Variants in LGSN observed in about 807,000 individuals in gnomAD.
LGSN encodes the protein lengsin.
LGSN carries 21 observed loss-of-function variants against 19.5 expected under a neutral mutation model. That is an observed-to-expected ratio of 1.07 (90% CI 0.76 to 1.55). The LOEUF is 1.55. LGSN is among the 40% of genes most tolerant of loss of function. The pLI is 0.00. For missense variants in LGSN, 673 were observed against 608.5 expected (o/e 1.11, Z -1.12); for synonymous variants, 257 against 215.6 (o/e 1.19, Z -1.68).
the LGSN span, among the ~76,000 whole-genome samples, chr6:63,379,997 C>G: frequency 1.2e-4 from 19 of 152,026 alleles, no homozygotes; most frequent in African/African-American, 4.6e-4. Context: ...GCCACTACAC[C>G]CAGCTAATTT....
At chr6:63,283,981 T>C (rs1164577223) in intron 3 of LGSN, among the ~76,000 whole-genome samples, 1 of 152,236 alleles carries the variant, frequency 6.6e-6, no homozygotes, top group Non-Finnish European at 1.5e-5. Context: ...ATTACAGGCA[T>C]GAGCCACTGT....
chr6:63,517,666 A>C, the LGSN span, among the ~76,000 whole-genome samples: 1 of 152,112 alleles, frequency 6.6e-6, no homozygotes, highest in Non-Finnish European at 1.5e-5. Flanking sequence ...ACACACACAT[A>C]TATATGACTT....
At chr6:63,406,006 G>A in the LGSN span, among the ~76,000 whole-genome samples, 2 of 152,100 alleles carry the variant, frequency 1.3e-5, no homozygotes, top group South Asian at 4.1e-4. Context: ...AGCCAACACA[G>A]GAGCACCCAG....
the LGSN span, among the ~76,000 whole-genome samples, chr6:63,373,051 C>T: frequency 2.0e-5 from 3 of 152,140 alleles, no homozygotes; most frequent in African/African-American, 4.8e-5. Context: ...CACAGCATTT[C>T]ATAAAATAAT....
the LGSN span, among the ~76,000 whole-genome samples, chr6:63,456,131 G>A: frequency 6.6e-6 from 1 of 151,726 alleles, no homozygotes; most frequent in East Asian, 1.9e-4. Flanking sequence ...CTGGGAGGCT[G>A]AGGCAGGAGA....
At chr6:63,437,164 G>C in the LGSN span, among the ~76,000 whole-genome samples, 1 of 142,172 alleles carries the variant, frequency 7.0e-6, no homozygotes, top group Non-Finnish European at 1.6e-5. Context: ...AGAAGGGAGG[G>C]AGGGAGGGAA....
chr6:63,280,972 G>T lies in LGSN; in HGVS notation c.579C>A (p.Ser193Arg). The T allele has an allele frequency of 6.2e-7, 1 of 1,614,138 alleles. No individual in the cohort carries two copies. Among genetic ancestry groups the T allele is most frequent in the Non-Finnish European group, 8.5e-7 (1 of 1,180,026 alleles). ...GGGAAAAGCCAGAGGCCTGCAGATGGCTCAGCTGCCTCTTTGCAATGTACC... is the reference window on the plus strand; with the variant it reads ...GGGAAAAGCCAGAGGCCTGCAGATGTCTCAGCTGCCTCTTTGCAATGTACC... Reference protein sequence around the residue: ...SPRYIAKRQLSHLQASGFSLL... With the variant: ...SPRYIAKRQLRHLQASGFSLL... The change falls in exon 4 of 4, where the codon AGC becomes AGA. Residue 193 changes from serine to arginine, a missense_variant. Transcript: ENST00000370657.
At chr6:63,511,066 T>C in the LGSN span, among the ~76,000 whole-genome samples, 1 of 152,106 alleles carries the variant, frequency 6.6e-6, no homozygotes, top group Non-Finnish European at 1.5e-5. Context: ...AATGGTGCTA[T>C]GCTCATGGCA....
At chr6:63,533,138 T>G in the LGSN span, among the ~76,000 whole-genome samples, 2 of 152,168 alleles carry the variant, frequency 1.3e-5, no homozygotes, top group Non-Finnish European at 2.9e-5. Flanking sequence ...TCCCAGCACT[T>G]TGGGAGGCTG....
chr6:63,387,862 T>G, the LGSN span, among the ~76,000 whole-genome samples: 259 of 152,012 alleles, frequency 1.7e-3, no homozygotes, highest in Non-Finnish European at 2.9e-3. Flanking sequence ...GCTATTTATT[T>G]ATTGATTGAT....
the LGSN span, chr6:63,548,884 A>T: frequency 3.7e-6 from 3 of 810,452 alleles, no homozygotes; most frequent in Non-Finnish European, 6.5e-6. Flanking sequence ...TTGTCTTCTG[A>T]GTTAACCTGT....
the LGSN span, among the ~76,000 whole-genome samples, chr6:63,536,852 T>A: frequency 1.3e-3 from 200 of 152,210 alleles, 1 homozygote; most frequent in Non-Finnish European, 1.9e-3. Context: ...AGCAGCATAG[T>A]CTTTTTGTAA....
At chr6:63,534,452 AACAC>A in the LGSN span, among the ~76,000 whole-genome samples, 774 of 144,480 alleles carry the variant, frequency 5.4e-3, 6 homozygotes, top group South Asian at 0.037. Flanking sequence ...CACACAGAGA[AACAC>A]ACACACACAC....
At chr6:63,465,001 G>A in the LGSN span, among the ~76,000 whole-genome samples, 3 of 149,402 alleles carry the variant, frequency 2.0e-5, no homozygotes, top group South Asian at 2.1e-4. Flanking sequence ...ACTATAGCCT[G>A]GGTGACAAGA....
chr6:63,447,789 C>T, the LGSN span, among the ~76,000 whole-genome samples: 1 of 152,076 alleles, frequency 6.6e-6, no homozygotes, highest in Non-Finnish European at 1.5e-5. Flanking sequence ...AACCTTTGGG[C>T]AGTCTTCATG....
At chr6:63,467,180 T>C in the LGSN span, among the ~76,000 whole-genome samples, 1 of 152,146 alleles carries the variant, frequency 6.6e-6, no homozygotes, top group Non-Finnish European at 1.5e-5. Context: ...AGGAATTCAT[T>C]TGAATTGTTC....
chr6:63,277,625 G>A lies in LGSN; in HGVS notation c.*2396C>T, dbSNP rs370775588. On this transcript the variant is annotated 3_prime_UTR_variant, in exon 4 of 4. Coordinates refer to ENST00000370657, the MANE Select transcript of LGSN (RefSeq NM_016571.3). ...CATCTGGATGTAGGCAAGTCAAACT[G>A]CTCTACAAAGCAGAGATTCCACCTT... is the stretch of plus-strand genomic sequence containing the variant. The A allele has an allele frequency of 6.6e-6, 1 of 151,670 alleles. No homozygotes were observed. The highest frequency in any genetic ancestry group is 1.5e-5 in the Non-Finnish European group (1 of 67,970). The allele number at this position is 151,670 out of a possible 1,614,324, so 9.4% of individuals were successfully genotyped here. A position where few individuals can be genotyped will look rare whatever the true frequency, so the allele number is the denominator to read the frequency against.
chr6:63,295,299 C>G (rs1289769563), intron 1 of LGSN, among the ~76,000 whole-genome samples: 2 of 152,038 alleles, frequency 1.3e-5, no homozygotes, highest in Non-Finnish European at 2.9e-5. Context: ...AAATTAAAAT[C>G]GTGTCTAATT....
At chr6:63,325,718 G>T in the LGSN span, among the ~76,000 whole-genome samples, 1 of 152,150 alleles carries the variant, frequency 6.6e-6, no homozygotes, top group East Asian at 1.9e-4. Context: ...CTGATGTTCA[G>T]ATGTGTTCGG....
Sources: allele counts gnomAD v4.1 joint callset (sites outside exome capture counted in the v4.1 genomes callset), GRCh38; gene constraint gnomAD v4.1.1; transcripts MANE v1.5; gene names NCBI Gene and HGNC (gene_info 2026-07-23, HGNC 2026-07-21).